Variants in LMAN2 observed in about 807,000 individuals in gnomAD.
The protein encoded by LMAN2 is lectin, mannose binding 2.
In LMAN2, 22 loss-of-function variants were observed where a neutral mutation model predicts 39.3. The observed-to-expected ratio is 0.56, with a 90% CI of 0.40 to 0.80. LMAN2 has a LOEUF of 0.80. Ranked by LOEUF, LMAN2 falls within the 30% of genes least tolerant of loss-of-function variation. The pLI, the probability that LMAN2 is intolerant of heterozygous loss-of-function variation, is 0.00. For synonymous variants in LMAN2, 207 were observed against 207.8 expected (o/e 1.00, Z 0.03); for missense variants, 494 against 505.4 (o/e 0.98, Z 0.22).
At chr5:177,341,054 C>CT (rs1192615345) in intron 2 of LMAN2, among the ~76,000 whole-genome samples, 82 of 127,284 alleles carry the variant, frequency 6.4e-4, no homozygotes, top group Non-Finnish European at 4.3e-4. Flanking sequence ...CACGCCCAGC[C>CT]TTTTTTTTTC....
At chr5:177,343,888 T>TTA (rs1192173084) in intron 2 of LMAN2, among the ~76,000 whole-genome samples, 1 of 152,086 alleles carries the variant, frequency 6.6e-6, no homozygotes, top group East Asian at 1.9e-4. Flanking sequence ...GTGAATGCAC[T>TTA]TAATGCCACT....
intron 2 of LMAN2, among the ~76,000 whole-genome samples, chr5:177,342,738 A>C (rs1427073439): frequency 1.3e-5 from 2 of 152,074 alleles, no homozygotes; most frequent in Non-Finnish European, 2.9e-5. Flanking sequence ...TTAGAAGAAA[A>C]TCTAGGGAAA....
At chr5:177,341,342 A>G (rs1761551417) in intron 2 of LMAN2, among the ~76,000 whole-genome samples, 1 of 152,134 alleles carries the variant, frequency 6.6e-6, no homozygotes, top group Non-Finnish European at 1.5e-5. Context: ...CTGGGATTAC[A>G]GGCGTGAGCC....
chr5:177,351,518 C>A lies in LMAN2; in HGVS notation c.130G>T (p.Ala44Ser), dbSNP rs768859500. ...TCACTGTTGCCGTCAGTTATATCCG[C>A]AGTCACAGACCCCAACAACAAAAGA... The part of the protein sequence containing the change: ...FLLLLLGSVT[A>S]DITDGNSEHL... The change falls in exon 1 of 8, where the codon GCG becomes TCG. Residue 44 changes from alanine to serine, a missense_variant. Ala to Ser is a moderately conservative substitution (Grantham distance 99). Transcript: ENST00000303127. 1.2e-5 allele frequency: 19 copies of A among 1,614,164 alleles called. No individual in the cohort carries two copies. The highest frequency in any genetic ancestry group is 1.6e-5 in the Non-Finnish European group (19 of 1,180,050).
chr5:177,332,262 C>A lies in LMAN2; in HGVS notation c.911-16G>T, dbSNP rs1408101199. The A allele has an allele frequency of 1.9e-6, 3 of 1,609,614 alleles. No homozygotes were observed. The highest frequency in any genetic ancestry group is 1.1e-5 in the South Asian group (1 of 90,792). On this transcript the variant is annotated splice_polypyrimidine_tract_variant and intron_variant, in intron 7 of 7. Transcript: ENST00000303127. This position sits in a 1 kb window ranked among gnomAD's most constrained non-coding sequence, Gnocchi z 6.3. Reference sequence around the variant, plus strand: ...TCCACGTTGTCTGGGGGAGAAGAAACGGGGGAGCTGAAACGGCAGCACGGG... The same window carrying A: ...TCCACGTTGTCTGGGGGAGAAGAAAAGGGGGAGCTGAAACGGCAGCACGGG...
intron 3 of LMAN2, 146 bp downstream of exon 3, chr5:177,338,342 T>C (rs1761504675): frequency 3.0e-6 from 2 of 656,188 alleles, no homozygotes. Context: ...CGCAGGACTT[T>C]ATCCACGGGA....
chr5:177,335,133 G>A (rs1332757217), intron 6 of LMAN2, among the ~76,000 whole-genome samples: 1 of 152,212 alleles, frequency 6.6e-6, no homozygotes, highest in Non-Finnish European at 1.5e-5. Context: ...TTGTTGAAGG[G>A]AGCAGGAATC....
chr5:177,349,911 A>G (rs1202294219), intron 2 of LMAN2, among the ~76,000 whole-genome samples: 3 of 152,212 alleles, frequency 2.0e-5, no homozygotes, highest in African/African-American at 7.2e-5. Context: ...ATGAGGAGCC[A>G]GGAGGCAGTG....
chr5:177,349,278 G>A (rs1449994988), intron 2 of LMAN2, among the ~76,000 whole-genome samples: 1 of 152,210 alleles, frequency 6.6e-6, no homozygotes, highest in Non-Finnish European at 1.5e-5. Flanking sequence ...TTCAGGGAAT[G>A]TTCGCCTGAG....
intron 2 of LMAN2, 120 bp downstream of exon 2, chr5:177,351,053 T>C: frequency 2.4e-6 from 2 of 833,720 alleles, no homozygotes; most frequent in Admixed American, 1.8e-5. Flanking sequence ...GTGACCGAGA[T>C]GAGGAAAAGG....
chr5:177,349,848 G>A (rs527416759), intron 2 of LMAN2, among the ~76,000 whole-genome samples: 8 of 152,338 alleles, frequency 5.3e-5, no homozygotes, highest in African/African-American at 1.4e-4. Context: ...AGAAATGTCT[G>A]CGTGGGTGGC....
At chr5:177,350,303 A>G (rs1346612952) in intron 2 of LMAN2, among the ~76,000 whole-genome samples, 1 of 152,204 alleles carries the variant, frequency 6.6e-6, no homozygotes, top group Non-Finnish European at 1.5e-5. Flanking sequence ...AGCCATGGGA[A>G]GGGCTGAGAT....
rs780478080 is a variant in LMAN2 at position 177,337,805 on chromosome 5, C to T, written c.434-20G>A. On this transcript the variant is annotated intron_variant, in intron 3 of 7. Coordinates refer to ENST00000303127, the MANE Select transcript of LMAN2 (RefSeq NM_006816.3). The surrounding 1 kb of genome is among the most constrained non-coding windows in gnomAD (Gnocchi z 8.2). ...CAGGCCCTAGAATTATAAGCAGATG[C>T]TCTCAGAATGGGAGAAACAGGAGCC... The T allele has an allele frequency of 9.3e-6, 15 of 1,610,426 alleles. No homozygotes were observed. The Admixed American group carries it at 1.2e-4, about 13-fold the overall frequency.
rs114340399 is a variant in LMAN2, at chr5:177,346,412, T to A, written c.315+4761A>T. The A allele has an allele frequency of 9.4e-4, 645 of 687,682 alleles. 1 individual carries two copies. Among genetic ancestry groups the A allele is most frequent in the Admixed American group, 1.8e-3 (52 of 28,626 alleles). The allele number at this position is 687,682 out of a possible 1,614,324, so 42.6% of individuals were successfully genotyped here. A position where few individuals can be genotyped will look rare whatever the true frequency, so the allele number is the denominator to read the frequency against. ...CCAGGAGTTGAGGTGGAAGTCACCA[T>A]TGCAGATATTTAAAGTTGACTATTT... On this transcript the variant is annotated intron_variant, in intron 2 of 7. Coordinates refer to ENST00000303127, the MANE Select transcript of LMAN2 (RefSeq NM_006816.3).
Position 177,332,293 on chromosome 5 carries a change from GA to G in LMAN2, c.911-48del. 1 of 1,577,012 alleles carries G rather than the reference GA, an allele frequency of 6.3e-7. No homozygotes were observed. The highest frequency in any genetic ancestry group is 8.7e-7 in the Non-Finnish European group (1 of 1,155,450). ...AGCTGAAACGGCAGCACGGGCCGGGGATCAGGGGGCTGCAGGAGGGCAGTGG... is the reference window on the plus strand; with the variant it reads ...AGCTGAAACGGCAGCACGGGCCGGGGTCAGGGGGCTGCAGGAGGGCAGTGG... On this transcript the variant is annotated intron_variant, in intron 7 of 7. Coordinates refer to ENST00000303127, the MANE Select transcript of LMAN2 (RefSeq NM_006816.3). The surrounding 1 kb of genome is among the most constrained non-coding windows in gnomAD (Gnocchi z 6.3).
intron 2 of LMAN2, among the ~76,000 whole-genome samples, chr5:177,350,709 A>C (rs1761709317): frequency 6.6e-6 from 1 of 152,210 alleles, no homozygotes. Flanking sequence ...AAAGCCATCT[A>C]TTTCAAACAG....
Position 177,332,386 on chromosome 5 carries a change from GCAGA to G in LMAN2, c.911-144_911-141del. 2.6e-6 allele frequency: 2 copies of G among 757,842 alleles called. No individual in the cohort carries two copies. Among genetic ancestry groups the G allele is most frequent in the Non-Finnish European group, 2.1e-6 (1 of 467,996 alleles). 46.9% of individuals were successfully genotyped at this position (757,842 alleles called of 1,614,324 possible). On this transcript the variant is annotated intron_variant, in intron 7 of 7. Transcript: ENST00000303127. This position sits in a 1 kb window ranked among gnomAD's most constrained non-coding sequence, Gnocchi z 6.3. ...TACTCACCCCCCTCACCGGGGAGGG[GCAGA>G]GGTCAGGTGAAGCCCATCCCAGCCA...
chr5:177,346,987 G>A (rs1315340498), intron 2 of LMAN2, among the ~76,000 whole-genome samples: 2 of 152,094 alleles, frequency 1.3e-5, no homozygotes, highest in Non-Finnish European at 2.9e-5. Context: ...TCAACAAGTA[G>A]AGAATCCACA....
chr5:177,344,889 G>A (rs1407715459), intron 2 of LMAN2, among the ~76,000 whole-genome samples: 1 of 151,654 alleles, frequency 6.6e-6, no homozygotes, highest in African/African-American at 2.4e-5. Context: ...CTGGGCAACA[G>A]AGTGAGACCC....
Sources: allele counts gnomAD v4.1 joint callset (sites outside exome capture counted in the v4.1 genomes callset), GRCh38; gene constraint gnomAD v4.1.1; non-coding constraint Gnocchi (gnomAD v3.1); transcripts MANE v1.5; gene names NCBI Gene and HGNC (gene_info 2026-07-23, HGNC 2026-07-21).